Variants in PTCH1 observed in about 807,000 individuals in gnomAD.
PTCH1 encodes the protein patched 1, also known as protein patched homolog 1.
Under a neutral mutation model 144.6 loss-of-function variants are expected in PTCH1, and 14 were observed. The ratio of observed to expected loss-of-function variants is 0.10; its 90% CI spans 0.06 to 0.15. The LOEUF (loss-of-function observed/expected upper bound fraction) is 0.15, where lower values mean the gene tolerates loss of function less well. Among genes scored for constraint, PTCH1 ranks in the 10% least tolerant of loss-of-function variants. The pLI is 1.00. For synonymous variants in PTCH1, 833 were observed against 793.6 expected, an observed-to-expected ratio of 1.05 and a Z score of -0.83; for missense variants, 1,623 against 1,948.3, an observed-to-expected ratio of 0.83 and a Z score of 3.14.
At position 95,459,402 on chromosome 9, in the gene PTCH1, C is replaced by T. The variant is rs551755607; in HGVS notation, c.2887+198G>A. Among the ~76,000 whole-genome samples the T allele has an allele frequency of 3.3e-5, 5 of 152,330 alleles. No homozygotes were observed. In the East Asian group the frequency reaches 9.6e-4, roughly 29 times the overall value. On this transcript the variant is annotated intron_variant, in intron 17 of 23. Transcript: ENST00000331920. ...ACGAATGGAGACGAGACACTGATTT[C>T]CCAATGTGATAGAGTGCGGGGGTTG...
rs2297086 is a variant in PTCH1 at position 95,477,838 on chromosome 9, G to A, written c.1348-136C>T. On this transcript the variant is annotated intron_variant, in intron 9 of 23. Transcript: ENST00000331920. ...ACAACAACAAAACTTTACATCAAGG[G>A]CGTCACATAAAATGACAGGAGTCAA... 523,650 of 1,442,582 alleles carry A rather than the reference G, an allele frequency of 0.36. 100,628 individuals are homozygous for A. The highest frequency in any genetic ancestry group is 0.66 in the African/African-American group (46,688 of 70,370). 89.4% of individuals were successfully genotyped at this position (1,442,582 alleles called of 1,614,324 possible). A position where few individuals can be genotyped will look rare whatever the true frequency, so the allele number is the denominator to read the frequency against.
At chr9:95,447,503 T>C (rs1838066792) in intron 22 of PTCH1, 52 bp from the exon 23 acceptor site, 3 of 1,474,654 alleles carry the variant, frequency 2.0e-6, no homozygotes, top group Non-Finnish European at 2.7e-6. Context: ...CTGGGCATGG[T>C]CCCCGCAGCT....
intron 20 of PTCH1, chr9:95,451,179 G>C (rs1013799495): frequency 1.3e-5 from 2 of 152,146 alleles, no homozygotes; most frequent in African/African-American, 4.8e-5. Context: ...AACTACATTA[G>C]TAAAAACCAA....
rs1060504538 is a variant in PTCH1 at position 95,477,559 on chromosome 9, A to G, written c.1491T>C (p.Ala497=). Residue 497 remains alanine, a synonymous_variant, in exon 10 of 24, where the codon GCT becomes GCC. Transcript: ENST00000331920. The part of the protein sequence containing the change: ...LCSLIGISFN[A]ATTQVLPFLA... ...GCTCCTTTAGTACCTGAGTTGTTGC[A>G]GCGTTAAAGGAAATTCCGATCAATG... 1.2e-6 allele frequency: 2 copies of G among 1,614,190 alleles called. No individual in the cohort carries two copies. Among genetic ancestry groups the G allele is most frequent in the Admixed American group, 1.7e-5 (1 of 60,026 alleles).
At chr9:95,494,342 G>T (rs1171341375) in intron 2 of PTCH1, 13 of 985,514 alleles carry the variant, frequency 1.3e-5, no homozygotes, top group Non-Finnish European at 1.6e-5. Flanking sequence ...GCTCCCACCA[G>T]CTCCCAAGGA....
At chr9:95,506,877 A>G (rs536734745) in intron 1 of PTCH1, 3 of 1,163,448 alleles carry the variant, frequency 2.6e-6, no homozygotes, top group East Asian at 8.5e-5. Flanking sequence ...TGGGGCTGCA[A>G]TACAGAAGAG....
At chr9:95,462,083 C>T (rs1588552331) in intron 15 of PTCH1, 85 bp from the exon 16 acceptor site, 2 of 1,501,546 alleles carry the variant, frequency 1.3e-6, no homozygotes, top group East Asian at 2.3e-5. Context: ...GGAGACTGAG[C>T]AGGGCAGGGG....
chr9:95,496,421 T>A (rs539454563), intron 2 of PTCH1, among the ~76,000 whole-genome samples: 1 of 151,908 alleles, frequency 6.6e-6, no homozygotes, highest in Non-Finnish European at 1.5e-5. Context: ...AAAAAGTGAG[T>A]GTGTTCTTGC....
At chr9:95,494,264 G>A in intron 2 of PTCH1, 1 of 985,502 alleles carries the variant, frequency 1.0e-6, no homozygotes, top group Non-Finnish European at 1.2e-6. Context: ...ACGCAGACCT[G>A]CTCGCCCTGT....
intron 2 of PTCH1, among the ~76,000 whole-genome samples, chr9:95,486,947 T>C (rs547282252): frequency 6.6e-6 from 1 of 152,164 alleles, no homozygotes; most frequent in African/African-American, 2.4e-5. Context: ...AAGTTGCATG[T>C]TGACTGAAAA....
intron 16 of PTCH1, among the ~76,000 whole-genome samples, chr9:95,461,180 G>A (rs1343837612): frequency 6.6e-6 from 1 of 152,112 alleles, no homozygotes; most frequent in African/African-American, 2.4e-5. Flanking sequence ...AAAGGGGTAT[G>A]CTGGAATCCA....
intron 15 of PTCH1, among the ~76,000 whole-genome samples, chr9:95,464,331 C>T (rs1839810290): frequency 6.6e-6 from 1 of 152,190 alleles, no homozygotes. Flanking sequence ...TTAGCCAGTG[C>T]TTCATATTCC....
chr9:95,446,434 T>C, intron 23 of PTCH1, 43 bp from the exon 24 acceptor site: 1 of 518,122 alleles, frequency 1.9e-6, no homozygotes, highest in Non-Finnish European at 3.8e-6. Flanking sequence ...GAGTAAGAGG[T>C]GTGCAAGTCC....
intron 2 of PTCH1, among the ~76,000 whole-genome samples, chr9:95,501,651 GC>G (rs2118805294): frequency 6.6e-6 from 1 of 152,206 alleles, no homozygotes; most frequent in Non-Finnish European, 1.5e-5. Flanking sequence ...CAAGGCTGCT[GC>G]CCTCTGCAGA....
In PTCH1 at chr9:95,447,344, C is replaced by T. The variant is rs757702954; in HGVS notation, c.3912G>A (p.Arg1304=). 1.2e-6 allele frequency: 2 copies of T among 1,613,532 alleles called. No individual in the cohort carries two copies. Among genetic ancestry groups the T allele is most frequent in the Non-Finnish European group, 1.7e-6 (2 of 1,179,968 alleles). ...GCCACAAGCCTTCTCTGGGGGGGTCCCTGCGGGGCTGCTGGCCTTGCCGTC... is the reference window on the plus strand; with the variant it reads ...GCCACAAGCCTTCTCTGGGGGGGTCTCTGCGGGGCTGCTGGCCTTGCCGTC... ...PPGRQGQQPR[R]DPPREGLWPP... Residue 1304 remains arginine (R), a synonymous_variant, in exon 23 of 24, where the codon AGG becomes AGA. Transcript: ENST00000331920.
At chr9:95,479,272 T>A in intron 7 of PTCH1, 125 bp from the exon 8 acceptor site, 1 of 1,236,734 alleles carries the variant, frequency 8.1e-7, no homozygotes, top group East Asian at 2.3e-5. Flanking sequence ...TGTGAGCACA[T>A]GTTTCCATTA....
In PTCH1 at chr9:95,449,228, G is replaced by A. The variant is rs760927638; in HGVS notation, c.3645C>T (p.His1215=). 8 of 1,593,596 alleles carry A rather than the reference G, an allele frequency of 5.0e-6. No individual in the cohort carries two copies. In the East Asian group the frequency reaches 1.4e-4, roughly 27 times the overall value. The change falls in exon 22 of 24, where the codon CAC becomes CAT. Residue 1215 remains histidine (H), a synonymous_variant. Coordinates refer to ENST00000331920, the MANE Select transcript of PTCH1 (RefSeq NM_000264.5). The surrounding 1 kb of genome is among the most constrained non-coding windows in gnomAD (Gnocchi z 5.3). ...VRFAMPPGHT[H]SGSDSSDSEY... ...CCGAGTCGGAGGAATCAGACCCGCT[G>A]TGCGTGTGGCCGGGCGGCATGGCGA...
chr9:95,513,073 T>C (rs1844228612), upstream of PTCH1, among the ~76,000 whole-genome samples: 1 of 152,190 alleles, frequency 6.6e-6, no homozygotes, highest in African/African-American at 2.4e-5. Context: ...CAAATATCCA[T>C]GGCCACACCA....
In PTCH1 at chr9:95,509,092, A is replaced by G. The variant is rs1431617895; in HGVS notation, c.-731T>C. ...GTGCTCCTCGGCAACCCGCTGGACCATTCTGTCCCCGTGCAGCGCGCCTCT... is the reference window on the plus strand; with the variant it reads ...GTGCTCCTCGGCAACCCGCTGGACCGTTCTGTCCCCGTGCAGCGCGCCTCT... On this transcript the variant is annotated 5_prime_UTR_variant, in exon 1 of 24. The change abolishes an upstream ATG in the 5' untranslated region. Transcript: ENST00000331920. 1.3e-5 allele frequency among the ~76,000 whole-genome samples: 2 copies of G among 151,890 alleles called. No homozygotes were observed. Among genetic ancestry groups the G allele is most frequent in the Non-Finnish European group, 2.9e-5 (2 of 67,946 alleles).
Sources: gnomAD v4.1 joint callset for allele counts (sites outside exome capture counted in the v4.1 genomes callset) on GRCh38, gnomAD v4.1.1 for gene constraint, Gnocchi (gnomAD v3.1) non-coding constraint, MANE v1.5 for transcripts, NCBI Gene and HGNC (gene_info 2026-07-23, HGNC 2026-07-21) for gene names.